Variants in CNTNAP2 observed in about 807,000 individuals in gnomAD.
CNTNAP2 encodes contactin associated protein 2.
CNTNAP2 carries 98 observed loss-of-function variants against 155.2 expected under a neutral mutation model. That is an observed-to-expected ratio of 0.63 (90% CI 0.54 to 0.75). The LOEUF is 0.75. Among genes scored for constraint, CNTNAP2 ranks in the 30% least tolerant of loss-of-function variants. The pLI is 0.00. For missense variants in CNTNAP2, 1,727 were observed against 1,688.1 expected (o/e 1.02, Z -0.40); for synonymous variants, 651 against 631.2 (o/e 1.03, Z -0.47).
intron 15 of CNTNAP2, among the ~76,000 whole-genome samples, chr7:147,979,111 T>C (rs974635613): frequency 2.0e-5 from 3 of 152,202 alleles, no homozygotes; most frequent in African/African-American, 7.2e-5. Context: ...TCCTACTTAG[T>C]AAATTGAGGT....
intron 14 of CNTNAP2, among the ~76,000 whole-genome samples, chr7:147,971,780 A>T (rs1489119978): frequency 1.3e-5 from 2 of 152,224 alleles, no homozygotes; most frequent in African/African-American, 4.8e-5. Flanking sequence ...TTGTGTGAAC[A>T]TATGCTTTCA....
intron 1 of CNTNAP2, among the ~76,000 whole-genome samples, chr7:146,716,057 T>C (rs1801181395): frequency 6.6e-6 from 1 of 152,038 alleles, no homozygotes; most frequent in Non-Finnish European, 1.5e-5. Context: ...ACCCACTAAA[T>C]TGAGGTACAA....
At chr7:148,285,324 C>T (rs755468876) in intron 21 of CNTNAP2, among the ~76,000 whole-genome samples, 1 of 152,270 alleles carries the variant, frequency 6.6e-6, no homozygotes, top group Non-Finnish European at 1.5e-5. Context: ...ACAATTTATA[C>T]TACTTCTCCA....
intron 9 of CNTNAP2, among the ~76,000 whole-genome samples, chr7:147,344,547 A>G (rs926926913): frequency 1.3e-5 from 2 of 152,202 alleles, no homozygotes; most frequent in African/African-American, 4.8e-5. Flanking sequence ...AGTGAACTGA[A>G]TGATCTGAAA....
intron 12 of CNTNAP2, among the ~76,000 whole-genome samples, chr7:147,625,650 G>A (rs934442878): frequency 6.6e-6 from 1 of 152,146 alleles, no homozygotes; most frequent in Admixed American, 6.5e-5. Flanking sequence ...AGGAGATAGG[G>A]CTAATGTGCA....
At chr7:146,614,120 A>G (rs1018036823) in intron 1 of CNTNAP2, among the ~76,000 whole-genome samples, 3 of 152,106 alleles carry the variant, frequency 2.0e-5, no homozygotes, top group African/African-American at 7.2e-5. Context: ...TTAATTTTTA[A>G]GCAATGCATT....
At chr7:148,127,617 CAGA>C (rs1288157205) in intron 16 of CNTNAP2, among the ~76,000 whole-genome samples, 1 of 152,086 alleles carries the variant, frequency 6.6e-6, no homozygotes, top group African/African-American at 2.4e-5. Context: ...TCAAGAAAGT[CAGA>C]AGAAAATATT....
At chr7:147,920,307 G>A (rs903695622) in intron 14 of CNTNAP2, among the ~76,000 whole-genome samples, 6 of 140,820 alleles carry the variant, frequency 4.3e-5, no homozygotes, top group Admixed American at 7.7e-5. Flanking sequence ...AGTGAGCCGA[G>A]ATGGCACCAC....
chr7:146,836,243 T>G (rs1429662492), intron 2 of CNTNAP2, among the ~76,000 whole-genome samples: 9 of 103,396 alleles, frequency 8.7e-5, no homozygotes, highest in African/African-American at 8.6e-4. Context: ...GATTTTAAAT[T>G]TGTATTTTTT....
At position 148,310,988 on chromosome 7, in the gene CNTNAP2, G is replaced by A. The variant is rs1375797238; in HGVS notation, c.3475+43862G>A. Among the ~76,000 whole-genome samples, 6 of 152,152 alleles carry A rather than the reference G, an allele frequency of 3.9e-5. No individual in the cohort carries two copies. In the South Asian group the frequency reaches 6.2e-4, roughly 16 times the overall value. On this transcript the variant is annotated intron_variant, in intron 21 of 23. Transcript: ENST00000361727. ...TGGAGATGAAGAGTAAAGGAACATC[G>A]AGAAGGTGAAAGATTACCTAAGGGA... is the stretch of plus-strand genomic sequence containing the variant.
chr7:146,362,852 C>G (rs1323228086), intron 1 of CNTNAP2, among the ~76,000 whole-genome samples: 1 of 146,778 alleles, frequency 6.8e-6, no homozygotes, highest in African/African-American at 2.5e-5. Flanking sequence ...CTCACTGTAA[C>G]CCCCGCCTCC....
chr7:148,097,130 A>ACCCTTC (rs1393581624), intron 15 of CNTNAP2, among the ~76,000 whole-genome samples: 10 of 151,672 alleles, frequency 6.6e-5, no homozygotes, highest in Non-Finnish European at 1.3e-4. Context: ...GGAAAACCGA[A>ACCCTTC]CCCTTCCCAC....
intron 1 of CNTNAP2, among the ~76,000 whole-genome samples, chr7:146,625,459 A>T (rs187753756): frequency 6.6e-6 from 1 of 152,162 alleles, no homozygotes; most frequent in East Asian, 1.9e-4. Flanking sequence ...TCAAAATATC[A>T]TATGTTTTAA....
rs1800603054 is a variant in CNTNAP2 at position 146,301,193 on chromosome 7, C to T, written c.97+184220C>T. Among the ~76,000 whole-genome samples, 4 of 152,158 alleles carry T rather than the reference C, an allele frequency of 2.6e-5. No individual in the cohort carries two copies. The South Asian group carries it at 8.3e-4, about 32-fold the overall frequency. On this transcript the variant is annotated intron_variant, in intron 1 of 23. Transcript: ENST00000361727. Reference sequence around the variant, plus strand: ...GTTGTGGTAAATTTTAATGACATTTCCAAAACCAATTGGAGCCTATGCACC... The same window carrying T: ...GTTGTGGTAAATTTTAATGACATTTTCAAAACCAATTGGAGCCTATGCACC...
intron 11 of CNTNAP2, among the ~76,000 whole-genome samples, chr7:147,504,961 C>T (rs955264592): frequency 2.6e-5 from 4 of 152,016 alleles, no homozygotes; most frequent in Non-Finnish European, 5.9e-5. Context: ...CGCATGCACA[C>T]ACTGATGCAA....
At chr7:147,037,668 G>C (rs1247713997) in intron 3 of CNTNAP2, among the ~76,000 whole-genome samples, 2 of 151,960 alleles carry the variant, frequency 1.3e-5, no homozygotes, top group African/African-American at 4.8e-5. Flanking sequence ...TCACCATGTT[G>C]GCCAACTTCT....
intron 12 of CNTNAP2, among the ~76,000 whole-genome samples, chr7:147,607,089 GA>G (rs1352183005): frequency 1.3e-5 from 2 of 152,130 alleles, no homozygotes; most frequent in Non-Finnish European, 2.9e-5. Flanking sequence ...CCTCACTAAG[GA>G]AAGTGATCTG....
At chr7:147,377,633 T>G (rs560144733) in intron 9 of CNTNAP2, among the ~76,000 whole-genome samples, 61 of 151,894 alleles carry the variant, frequency 4.0e-4, no homozygotes, top group African/African-American at 1.4e-3. Flanking sequence ...TTTCATTTTT[T>G]GTTTTTCTGA....
At chr7:146,929,788 G>C (rs1174964444) in intron 3 of CNTNAP2, among the ~76,000 whole-genome samples, 1 of 152,208 alleles carries the variant, frequency 6.6e-6, no homozygotes, top group African/African-American at 2.4e-5. Flanking sequence ...ACTACGTGAA[G>C]AATGCAGAAG....
Sources: gnomAD v4.1 joint callset for allele counts (sites outside exome capture counted in the v4.1 genomes callset) on GRCh38, gnomAD v4.1.1 for gene constraint, MANE v1.5 for transcripts, NCBI Gene and HGNC (gene_info 2026-07-23, HGNC 2026-07-21) for gene names.